The following NUB1 variants were observed in gnomAD, a reference collection of about 807,000 sequenced individuals.
NUB1 encodes the protein negative regulator of ubiquitin like proteins 1.
A neutral mutation model predicts 77.1 loss-of-function variants in NUB1; 41 were observed. The observed-to-expected ratio is 0.53, with a 90% CI of 0.41 to 0.69. The LOEUF (loss-of-function observed/expected upper bound fraction) is 0.69. NUB1 is among the 30% of genes least tolerant of loss of function. NUB1 has a pLI of 0.00. For synonymous variants in NUB1, 257 were observed against 281.0 expected, an observed-to-expected ratio of 0.91 and a Z score of 0.85; for missense variants, 643 against 743.8, an observed-to-expected ratio of 0.86 and a Z score of 1.58.
chr7:151,349,370 T>C, intron 3 of NUB1, 130 bp downstream of exon 3: 1 of 772,952 alleles, frequency 1.3e-6, no homozygotes, highest in Non-Finnish European at 2.1e-6. Context: ...TATTGAACAA[T>C]TTATCAGCTT....
chr7:151,364,948 A>C (rs1225102525), intron 8 of NUB1, among the ~76,000 whole-genome samples: 1 of 152,080 alleles, frequency 6.6e-6, no homozygotes, highest in Non-Finnish European at 1.5e-5. Flanking sequence ...AACCAAAGCA[A>C]TGTTAATAAA....
chr7:151,374,568 A>C (rs935266608), intron 12 of NUB1: 9 of 412,348 alleles, frequency 2.2e-5, no homozygotes, highest in African/African-American at 1.8e-4. Context: ...GGCAGAAAAA[A>C]GAGAATGGGA....
rs776474667 is a variant in NUB1, at chr7:151,368,843, G to A, written c.1204G>A (p.Gly402Arg). The part of the protein sequence containing the change: ...EARLGLRACD[G>R]NVDHAATHIT... Reference sequence around the variant, plus strand: ...CCGGCTTGGCCTGAGGGCGTGTGATGGGAACGTGGATCATGCGGCCACTCA... The same window carrying A: ...CCGGCTTGGCCTGAGGGCGTGTGATAGGAACGTGGATCATGCGGCCACTCA... The change falls in exon 11 of 15, where the codon GGG becomes AGG. Residue 402 changes from glycine to arginine, a missense_variant. By Grantham distance (125) the Gly-to-Arg change is moderately radical (BLOSUM62 -2). Coordinates refer to ENST00000568733, the MANE Select transcript of NUB1 (RefSeq NM_001243351.2). 2 of 1,614,002 alleles carry A rather than the reference G, an allele frequency of 1.2e-6. No individual in the cohort carries two copies. Among genetic ancestry groups the A allele is most frequent in the Non-Finnish European group, 1.7e-6 (2 of 1,179,880 alleles).
chr7:151,368,226 G>C (rs1797784515), intron 10 of NUB1, among the ~76,000 whole-genome samples: 1 of 152,192 alleles, frequency 6.6e-6, no homozygotes, highest in African/African-American at 2.4e-5. Flanking sequence ...GGTGAGCCAG[G>C]CCGGAGCAGT....
chr7:151,374,138 A>C lies in NUB1; in HGVS notation c.1290A>C (p.Arg430Ser), dbSNP rs1798091400. ...QIRKEEKEKK[R>S]RRLENIRFLK... ...GGAAGGAGGAAAAAGAGAAGAAAAG[A>C]CGCCGCCTCGAGAACATCAGGTTTC... The change falls in exon 12 of 15, where the codon AGA becomes AGC. Residue 430 changes from arginine to serine, a missense_variant. Transcript: ENST00000568733. 1 of 1,571,914 alleles carries C rather than the reference A, an allele frequency of 6.4e-7. No individual in the cohort carries two copies. Among genetic ancestry groups the C allele is most frequent in the Non-Finnish European group, 8.6e-7 (1 of 1,159,250 alleles).
chr7:151,361,376 A>G (rs928152002), intron 8 of NUB1: 3 of 152,138 alleles, frequency 2.0e-5, no homozygotes, highest in Non-Finnish European at 4.4e-5. Flanking sequence ...CAGGCAGCCC[A>G]TGTTTTTTTG....
chr7:151,356,254 T>C (rs1797059037), intron 7 of NUB1, 32 bp downstream of exon 7: 1 of 1,498,264 alleles, frequency 6.7e-7, no homozygotes, highest in Non-Finnish European at 9.3e-7. Context: ...TGGCCTGTTC[T>C]TAGATTTGTT....
At chr7:151,351,162 T>C in intron 3 of NUB1, 1 of 422,468 alleles carries the variant, frequency 2.4e-6, no homozygotes, top group Non-Finnish European at 4.2e-6. Context: ...TTCTGAAATG[T>C]TAAAGACGTC....
chr7:151,344,284 A>T (rs949467574), intron 1 of NUB1, among the ~76,000 whole-genome samples: 1 of 148,850 alleles, frequency 6.7e-6, no homozygotes, highest in Non-Finnish European at 1.5e-5. Context: ...TTTTTAATTT[A>T]AAAAATTCTG....
chr7:151,353,020 A>C (rs1483291862), intron 5 of NUB1, 138 bp downstream of exon 5: 1 of 580,346 alleles, frequency 1.7e-6, no homozygotes, highest in East Asian at 3.1e-5. Context: ...AAGTTTACTA[A>C]AATAAAAATG....
intron 5 of NUB1, among the ~76,000 whole-genome samples, chr7:151,355,127 G>A (rs1797003639): frequency 6.6e-6 from 1 of 152,178 alleles, no homozygotes; most frequent in African/African-American, 2.4e-5. Context: ...TTCAACTAGA[G>A]GGTAGGAGAG....
chr7:151,356,306 T>A (rs1233365261), intron 7 of NUB1, 84 bp downstream of exon 7: 2 of 982,458 alleles, frequency 2.0e-6, no homozygotes, highest in Non-Finnish European at 3.2e-6. Flanking sequence ...ATGTTGGAAG[T>A]GTTGTAAAGG....
At chr7:151,372,905 G>A (rs1004323260) in intron 11 of NUB1, among the ~76,000 whole-genome samples, 6 of 152,116 alleles carry the variant, frequency 3.9e-5, no homozygotes, top group Non-Finnish European at 8.8e-5. Flanking sequence ...GCACTCCAGG[G>A]CCACACCAGG....
Position 151,377,052 on chromosome 7 carries a change from T to G in NUB1, c.1675T>G (p.Ser559Ala). ...ATSPSDSAGT[S>A]SASTDEDMET... The stretch of plus-strand genomic sequence containing the variant: ...CCTGCGGTATTTTATTGTAGGAACC[T>G]CTAGTGCCTCAACAGACGAAGACAT... Residue 559 changes from serine (S) to alanine (A), a missense_variant, in exon 15 of 15, where the codon TCT (serine) becomes GCT (alanine). Transcript: ENST00000568733. 1 of 1,552,622 alleles carries G rather than the reference T, an allele frequency of 6.4e-7. No homozygotes were observed. Among genetic ancestry groups the G allele is most frequent in the Non-Finnish European group, 8.7e-7 (1 of 1,151,236 alleles).
chr7:151,367,793 A>T, intron 9 of NUB1, 68 bp from the exon 10 acceptor site: 1 of 970,076 alleles, frequency 1.0e-6, no homozygotes. Flanking sequence ...GGAATGACAG[A>T]GATGAGTATT....
At chr7:151,358,109 G>A (rs1320428541) in intron 7 of NUB1, among the ~76,000 whole-genome samples, 1 of 151,708 alleles carries the variant, frequency 6.6e-6, no homozygotes, top group Admixed American at 6.6e-5. Context: ...CTGAGTAGCT[G>A]GGACTACAGT....
In NUB1 at chr7:151,377,983, T is replaced by A. The variant is rs1371055611; in HGVS notation, c.*758T>A. On this transcript the variant is annotated 3_prime_UTR_variant, in exon 15 of 15. Transcript: ENST00000568733. ...TTATTTTTAATTAATATTTTTAGACTCTGTGCTGTCATACTGAACTCACTG... is the reference window on the plus strand; with the variant it reads ...TTATTTTTAATTAATATTTTTAGACACTGTGCTGTCATACTGAACTCACTG... 1 of 152,252 alleles carries A rather than the reference T, an allele frequency of 6.6e-6. No homozygotes were observed. Among genetic ancestry groups the A allele is most frequent in the Non-Finnish European group, 1.5e-5 (1 of 68,050 alleles). 9.4% of individuals were successfully genotyped at this position (152,252 alleles called of 1,614,324 possible). A position where few individuals can be genotyped will look rare whatever the true frequency, so the allele number is the denominator to read the frequency against.
chr7:151,349,277 T>C, intron 3 of NUB1, 37 bp downstream of exon 3: 1 of 1,515,056 alleles, frequency 6.6e-7, no homozygotes, highest in Non-Finnish European at 9.1e-7. Flanking sequence ...GGCACTAATG[T>C]CCAGTTAGTG....
rs922604695 is a variant in NUB1, at chr7:151,375,756, G to A, written c.1396-92G>A. ...CTGCCTCATAGCAGCAGAGGACGGC[G>A]GGGTCTGCCTAGCACATGGCAGGGT... On this transcript the variant is annotated intron_variant, in intron 12 of 14. Coordinates refer to ENST00000568733, the MANE Select transcript of NUB1 (RefSeq NM_001243351.2). The A allele has an allele frequency of 2.1e-4, 172 of 825,304 alleles. 1 individual carries two copies. Among genetic ancestry groups the A allele is most frequent in the South Asian group, 1.0e-3 (76 of 73,250 alleles). The allele number at this position is 825,304 out of a possible 1,614,324, so 51.1% of individuals were successfully genotyped here. A position where few individuals can be genotyped will look rare whatever the true frequency, so the allele number is the denominator to read the frequency against.
Sources: allele counts gnomAD v4.1 joint callset (sites outside exome capture counted in the v4.1 genomes callset), GRCh38; gene constraint gnomAD v4.1.1; transcripts MANE v1.5; gene names NCBI Gene and HGNC (gene_info 2026-07-23, HGNC 2026-07-21).